The following PSIP1 variants were observed in gnomAD, a reference collection of about 807,000 sequenced individuals.
PSIP1 encodes PC4 and SRSF1 interacting protein 1, also known as PC4 and SFRS1-interacting protein.
PSIP1 carries 19 observed loss-of-function variants against 74.7 expected under a neutral mutation model. The ratio of observed to expected loss-of-function variants is 0.25; its 90% CI spans 0.18 to 0.37. The LOEUF (loss-of-function observed/expected upper bound fraction) is 0.37. PSIP1 is among the 10% of genes least tolerant of loss of function. The pLI, the probability that PSIP1 is intolerant of heterozygous loss-of-function variation, is 1.00. For synonymous variants in PSIP1, 222 were observed against 195.3 expected, an observed-to-expected ratio of 1.14 and a Z score of -1.14; for missense variants, 601 against 614.3, an observed-to-expected ratio of 0.98 and a Z score of 0.23.
At chr9:15,485,423 A>G (rs2036518883) in intron 6 of PSIP1, among the ~76,000 whole-genome samples, 1 of 152,198 alleles carries the variant, frequency 6.6e-6, no homozygotes, top group Non-Finnish European at 1.5e-5. Context: ...TTACCTCCTC[A>G]TGAGATACTG....
At chr9:15,488,824 A>G (rs530592733) in intron 4 of PSIP1, among the ~76,000 whole-genome samples, 36 of 151,522 alleles carry the variant, frequency 2.4e-4, no homozygotes, top group African/African-American at 6.6e-4. Context: ...GATCGAGACC[A>G]TCCTGGCTAA....
chr9:15,465,732 T>C (rs1405460805), intron 15 of PSIP1, 152 bp from the exon 16 acceptor site: 6 of 573,128 alleles, frequency 1.0e-5, no homozygotes, highest in Non-Finnish European at 1.5e-5. Context: ...AGAACAGTCA[T>C]TATTATTTTT....
intron 3 of PSIP1, among the ~76,000 whole-genome samples, chr9:15,495,180 G>A (rs527297752): frequency 1.3e-5 from 2 of 152,128 alleles, no homozygotes; most frequent in East Asian, 3.9e-4. Context: ...AGTAGGAAAA[G>A]ACCTCAAAAA....
At chr9:15,472,796 A>G in intron 9 of PSIP1, 46 bp from the exon 10 acceptor site, 1 of 1,497,880 alleles carries the variant, frequency 6.7e-7, no homozygotes, top group South Asian at 1.3e-5. Flanking sequence ...AAAGTCAGTG[A>G]CTAGTGCTTA....
chr9:15,509,167 T>G (rs1272227617), intron 2 of PSIP1, among the ~76,000 whole-genome samples: 1 of 152,194 alleles, frequency 6.6e-6, no homozygotes, highest in Non-Finnish European at 1.5e-5. Context: ...AAGAAATACA[T>G]TTTCAAAGGA....
At chr9:15,487,779 G>A (rs560983285) in intron 4 of PSIP1, among the ~76,000 whole-genome samples, 1 of 152,036 alleles carries the variant, frequency 6.6e-6, no homozygotes, top group Non-Finnish European at 1.5e-5. Context: ...GTACATGCTG[G>A]GCACACAGGA....
chr9:15,497,237 A>C (rs1415675417), intron 3 of PSIP1, among the ~76,000 whole-genome samples: 1 of 152,016 alleles, frequency 6.6e-6, no homozygotes, highest in Non-Finnish European at 1.5e-5. Flanking sequence ...ATGTACTATC[A>C]CATCCAGGCT....
chr9:15,510,465 C>A, intron 1 of PSIP1, 136 bp from the exon 2 acceptor site: 1 of 384,374 alleles, frequency 2.6e-6, no homozygotes, highest in Non-Finnish European at 4.7e-6. Flanking sequence ...CGCCAGTGCG[C>A]TGCCTCCGCG....
intron 6 of PSIP1, among the ~76,000 whole-genome samples, chr9:15,483,432 C>A (rs548451290): frequency 6.6e-6 from 1 of 151,312 alleles, no homozygotes; most frequent in South Asian, 2.1e-4. Context: ...CTCTCGTCTA[C>A]ACCACTTAAA....
intron 1 of PSIP1, 131 bp from the exon 2 acceptor site, chr9:15,510,460 G>A (rs1236934257): frequency 5.2e-6 from 2 of 386,744 alleles, no homozygotes; most frequent in African/African-American, 2.1e-5. Context: ...TCCCCCGCCA[G>A]TGCGCTGCCT....
intron 1 of PSIP1, among the ~76,000 whole-genome samples, 194 bp downstream of exon 1, chr9:15,510,623 G>A (rs888873929): frequency 2.6e-5 from 4 of 152,098 alleles, no homozygotes; most frequent in African/African-American, 9.7e-5. Context: ...GGGGTGCATG[G>A]GAGAGAAAAA....
intron 3 of PSIP1, among the ~76,000 whole-genome samples, chr9:15,503,124 T>C (rs984742248): frequency 1.3e-5 from 2 of 152,212 alleles, no homozygotes; most frequent in South Asian, 4.1e-4. Flanking sequence ...CCCAGCACTT[T>C]GGGAGGCCAA....
At chr9:15,506,376 A>G in intron 3 of PSIP1, 185 bp downstream of exon 3, 1 of 429,430 alleles carries the variant, frequency 2.3e-6, no homozygotes. Context: ...TATCAATTCC[A>G]GTAAAAAATA....
intron 14 of PSIP1, among the ~76,000 whole-genome samples, chr9:15,467,879 G>A (rs1387080447): frequency 6.6e-6 from 1 of 152,084 alleles, no homozygotes; most frequent in Non-Finnish European, 1.5e-5. Flanking sequence ...CCAGCACTTT[G>A]GGAAGCCACG....
intron 6 of PSIP1, among the ~76,000 whole-genome samples, chr9:15,481,881 T>C (rs1292666869): frequency 2.0e-5 from 3 of 152,130 alleles, no homozygotes; most frequent in Non-Finnish European, 4.4e-5. Context: ...AATCAAAGAA[T>C]AATAAATATT....
chr9:15,483,925 T>A (rs1423225462), intron 6 of PSIP1, among the ~76,000 whole-genome samples: 1 of 151,414 alleles, frequency 6.6e-6, no homozygotes, highest in African/African-American at 2.4e-5. Flanking sequence ...GCCAGGAGTT[T>A]GAGACCAGCC....
In PSIP1 at chr9:15,464,676, T is replaced by C. The variant is rs1379711938; in HGVS notation, c.*844A>G. The C allele has an allele frequency of 6.6e-5, 13 of 197,966 alleles. No individual in the cohort carries two copies. Among genetic ancestry groups the C allele is most frequent in the African/African-American group, 3.0e-4 (13 of 43,378 alleles). 12.3% of individuals were successfully genotyped at this position (197,966 alleles called of 1,614,324 possible). ...GTTTTAGTGACTTCCTAAAGACATTTTTAACAACATTCCTCAAAAATAAAC... is the reference window on the plus strand; with the variant it reads ...GTTTTAGTGACTTCCTAAAGACATTCTTAACAACATTCCTCAAAAATAAAC... On this transcript the variant is annotated 3_prime_UTR_variant, in exon 16 of 16. Transcript: ENST00000380733.
chr9:15,485,898 T>G lies in PSIP1; in HGVS notation c.456+108A>C, dbSNP rs1433606066. On this transcript the variant is annotated intron_variant, in intron 6 of 15. Transcript: ENST00000380733. ...CATAACCCATAAAAAATTAAAGGGT[T>G]TAGAATAAAAGCTGAAATTTAAGGT... 3.0e-6 allele frequency: 3 copies of G among 1,015,182 alleles called. No homozygotes were observed. In the African/African-American group the frequency reaches 4.9e-5, roughly 17 times the overall value. 62.9% of individuals were successfully genotyped at this position (1,015,182 alleles called of 1,614,324 possible). A position where few individuals can be genotyped will look rare whatever the true frequency, so the allele number is the denominator to read the frequency against.
chr9:15,468,979 T>A lies in PSIP1; in HGVS notation c.1184A>T (p.Glu395Val). ...VTMQQAQKHT[E>V]MITTLKKIRR... The stretch of plus-strand genomic sequence containing the variant: ...TACTTTTTTCAGTGTAGTAATCATC[T>A]CTGTGTGTTTCTGAGCTTGTTGCAT... The change falls in exon 13 of 16, where the codon GAG becomes GTG. Residue 395 changes from glutamate to valine, a missense_variant. By Grantham distance (121) the Glu-to-Val change is moderately radical. Around this residue, in one of 2 missense-constraint regions of PSIP1, gnomAD observed 538 missense variants for 507.6 expected, o/e 1.06. Coordinates refer to ENST00000380733, the MANE Select transcript of PSIP1 (RefSeq NM_033222.5). 1 of 1,613,986 alleles carries A rather than the reference T, an allele frequency of 6.2e-7. No individual in the cohort carries two copies. Among genetic ancestry groups the A allele is most frequent in the Non-Finnish European group, 8.5e-7 (1 of 1,179,950 alleles).
Sources: gnomAD v4.1 joint callset for allele counts (sites outside exome capture counted in the v4.1 genomes callset) on GRCh38, gnomAD v4.1.1 for gene constraint, gnomAD v4.1.1 regional missense constraint, MANE v1.5 for transcripts, NCBI Gene and HGNC (gene_info 2026-07-23, HGNC 2026-07-21) for gene names.